Variants in ROBO1 observed in about 807,000 individuals in gnomAD.
ROBO1 encodes roundabout homolog 1.
Under a neutral mutation model 195.9 loss-of-function variants are expected in ROBO1, and 149 were observed. The observed-to-expected ratio is 0.76, with a 90% CI of 0.67 to 0.87. The LOEUF is 0.87. Among genes scored for constraint, ROBO1 ranks in the 40% least tolerant of loss-of-function variants. The pLI is 0.00. For synonymous variants in ROBO1, 816 were observed against 733.2 expected (o/e 1.11, Z -1.82); for missense variants, 1,933 against 2,068.3 (o/e 0.93, Z 1.27).
At chr3:79,746,134 G>A (rs1703866407) in intron 1 of ROBO1, among the ~76,000 whole-genome samples, 1 of 151,808 alleles carries the variant, frequency 6.6e-6, no homozygotes, top group South Asian at 2.1e-4. Context: ...TTCTTTTTAG[G>A]GTTTATCATG....
chr3:79,505,795 T>G (rs1940361049), intron 2 of ROBO1, among the ~76,000 whole-genome samples: 2 of 152,082 alleles, frequency 1.3e-5, no homozygotes, highest in Non-Finnish European at 2.9e-5. Context: ...CAGTGGTAGG[T>G]TTACAGAGCA....
chr3:79,762,656 C>G (rs1203027921), intron 1 of ROBO1, among the ~76,000 whole-genome samples: 1 of 132,172 alleles, frequency 7.6e-6, no homozygotes, highest in Non-Finnish European at 1.7e-5. Flanking sequence ...ATGAAACATC[C>G]TGAGTGTTTA....
At chr3:79,253,855 T>C (rs1015452592) in intron 2 of ROBO1, among the ~76,000 whole-genome samples, 2 of 152,218 alleles carry the variant, frequency 1.3e-5, no homozygotes, top group African/African-American at 2.4e-5. Flanking sequence ...GTAAAACATA[T>C]GGATTTTTTC....
At position 78,842,602 on chromosome 3, in the gene ROBO1, A is replaced by AT. The variant is rs1214318264; in HGVS notation, c.500-95703dup. The stretch of plus-strand genomic sequence containing the variant: ...ATATTTATATATGAGCCATATATAT[A>AT]TTTTTATATATGGCACCTAAGCACA... On this transcript the variant is annotated intron_variant, in intron 4 of 30. Coordinates refer to ENST00000464233, the MANE Select transcript of ROBO1 (RefSeq NM_002941.4). Among the ~76,000 whole-genome samples, 2 of 9,938 alleles carry AT rather than the reference A, an allele frequency of 2.0e-4. 1 individual carries two copies. The highest frequency in any genetic ancestry group is 4.1e-3 in the Admixed American group (2 of 490). The allele number at this position is 9,938 out of a possible 152,430, so 6.5% of individuals were successfully genotyped here. A position where few individuals can be genotyped will look rare whatever the true frequency, so the allele number is the denominator to read the frequency against.
intron 1 of ROBO1, among the ~76,000 whole-genome samples, chr3:79,597,454 T>C (rs1184545259): frequency 6.6e-6 from 1 of 151,966 alleles, no homozygotes; most frequent in Non-Finnish European, 1.5e-5. Flanking sequence ...AAAAATAGAG[T>C]ACATAAAGCA....
At chr3:79,180,064 T>C (rs2108728068) in intron 2 of ROBO1, among the ~76,000 whole-genome samples, 1 of 152,304 alleles carries the variant, frequency 6.6e-6, no homozygotes, top group East Asian at 1.9e-4. Flanking sequence ...ACCCACTGCC[T>C]TGAGTCGTGA....
chr3:78,982,627 C>CT (rs566497410), intron 3 of ROBO1, among the ~76,000 whole-genome samples: 4 of 151,932 alleles, frequency 2.6e-5, no homozygotes, highest in African/African-American at 9.7e-5. Flanking sequence ...GTAAATTTTA[C>CT]TTTTTTCTTT....
chr3:79,325,626 C>T (rs2034175018), intron 2 of ROBO1, among the ~76,000 whole-genome samples: 1 of 152,156 alleles, frequency 6.6e-6, no homozygotes, highest in African/African-American at 2.4e-5. Flanking sequence ...CAAATTAATA[C>T]TTTTATAATT....
At chr3:78,609,509 C>T (rs1285714457) in intron 28 of ROBO1, among the ~76,000 whole-genome samples, 1 of 152,232 alleles carries the variant, frequency 6.6e-6, no homozygotes, top group Non-Finnish European at 1.5e-5. Flanking sequence ...GACAGCCTTC[C>T]TTCTTTACCA....
intron 3 of ROBO1, among the ~76,000 whole-genome samples, chr3:79,045,663 A>T (rs1336189470): frequency 3.3e-5 from 5 of 152,182 alleles, no homozygotes; most frequent in South Asian, 4.1e-4. Context: ...CATTAAAAAA[A>T]TCCATTTTTA....
At chr3:79,298,427 G>C (rs1220859689) in intron 2 of ROBO1, among the ~76,000 whole-genome samples, 1 of 152,092 alleles carries the variant, frequency 6.6e-6, no homozygotes, top group African/African-American at 2.4e-5. Flanking sequence ...CCCCTCAGGA[G>C]GCAGGGTTTA....
chr3:78,662,244 G>GAAA, intron 14 of ROBO1, 130 bp from the exon 15 acceptor site: 39 of 423,886 alleles, frequency 9.2e-5, no homozygotes, highest in Middle Eastern at 6.5e-4. Context: ...CTGTGATTCG[G>GAAA]AAAAAAAAAA....
At chr3:79,234,435 T>A (rs944348414) in intron 2 of ROBO1, among the ~76,000 whole-genome samples, 1 of 152,014 alleles carries the variant, frequency 6.6e-6, no homozygotes, top group Non-Finnish European at 1.5e-5. Flanking sequence ...ATTTATTAAA[T>A]AGGGAGTCTT....
intron 2 of ROBO1, among the ~76,000 whole-genome samples, chr3:79,516,038 C>T (rs1036815035): frequency 1.3e-5 from 2 of 152,146 alleles, no homozygotes; most frequent in East Asian, 3.9e-4. Context: ...TTTCAGTCTC[C>T]AAGTTTCTTT....
In ROBO1 at chr3:78,597,973, A is replaced by C. The variant is rs1212107944; in HGVS notation, c.*940T>G. The stretch of plus-strand genomic sequence containing the variant: ...ACCAAAAAAAAAAAAAAAAAGAGAG[A>C]GAGATTAAAAACAGTGCATTACAAA... On this transcript the variant is annotated 3_prime_UTR_variant, in exon 31 of 31. Transcript: ENST00000464233. 9 of 150,242 alleles carry C rather than the reference A, an allele frequency of 6.0e-5. No homozygotes were observed. The highest frequency in any genetic ancestry group is 1.3e-4 in the Admixed American group (2 of 15,090). The allele number at this position is 150,242 out of a possible 1,614,324, so 9.3% of individuals were successfully genotyped here.
At chr3:79,582,041 T>C (rs748608986) in intron 2 of ROBO1, among the ~76,000 whole-genome samples, 9 of 151,934 alleles carry the variant, frequency 5.9e-5, no homozygotes, top group Admixed American at 1.3e-4. Context: ...TATATATCTA[T>C]TTGTGTATGG....
chr3:79,629,349 C>A (rs9874494), intron 1 of ROBO1, among the ~76,000 whole-genome samples: 34,320 of 151,714 alleles, frequency 0.23, 4,115 homozygotes, highest in African/African-American at 0.29. Context: ...CCAAGAGGAA[C>A]CCTCAAAACT....
intron 2 of ROBO1, among the ~76,000 whole-genome samples, chr3:79,289,649 C>T (rs748102115): frequency 6.6e-6 from 1 of 152,056 alleles, no homozygotes; most frequent in African/African-American, 2.4e-5. Flanking sequence ...TTATCTTTTA[C>T]CATTTTCTCA....
intron 1 of ROBO1, among the ~76,000 whole-genome samples, chr3:79,628,077 G>A (rs1945232128): frequency 6.6e-6 from 1 of 152,142 alleles, no homozygotes; most frequent in Non-Finnish European, 1.5e-5. Flanking sequence ...ACAGTGTGGT[G>A]ATTCCTCAAG....
Sources: gnomAD v4.1 joint callset for allele counts (sites outside exome capture counted in the v4.1 genomes callset) on GRCh38, gnomAD v4.1.1 for gene constraint, MANE v1.5 for transcripts, NCBI Gene and HGNC (gene_info 2026-07-23, HGNC 2026-07-21) for gene names.